The following SPATA18 variants were observed in gnomAD, a reference collection of about 807,000 sequenced individuals.
SPATA18 encodes mitochondria-eating protein.
In SPATA18, 54 loss-of-function variants were observed where a neutral mutation model predicts 68.1. That is an observed-to-expected ratio of 0.79 (90% CI 0.64 to 0.99). SPATA18 has a LOEUF of 0.99. Ranked by LOEUF, SPATA18 falls within the 50% of genes least tolerant of loss-of-function variation. The probability of loss-of-function intolerance (pLI) is 0.00; values close to 1 mark genes in which losing one functional copy is unlikely to be tolerated. For synonymous variants in SPATA18, 242 were observed against 244.8 expected (o/e 0.99, Z 0.11); for missense variants, 724 against 681.1 (o/e 1.06, Z -0.70).
At chr4:52,077,703 TAAAC>T (rs959642897) in intron 7 of SPATA18, among the ~76,000 whole-genome samples, 1 of 152,178 alleles carries the variant, frequency 6.6e-6, no homozygotes, top group African/African-American at 2.4e-5. Flanking sequence ...CTTTAGTTCT[TAAAC>T]AAATGAGAAG....
intron 11 of SPATA18, among the ~76,000 whole-genome samples, chr4:52,091,165 G>T (rs1741911447): frequency 6.6e-6 from 1 of 151,758 alleles, no homozygotes; most frequent in Non-Finnish European, 1.5e-5. Flanking sequence ...CTCTACATTG[G>T]TTATTCTAGT....
intron 6 of SPATA18, among the ~76,000 whole-genome samples, chr4:52,073,614 G>A (rs2109465784): frequency 6.6e-6 from 1 of 152,216 alleles, no homozygotes; most frequent in East Asian, 1.9e-4. Context: ...TCTAAAAAAA[G>A]TTAAAAAAAT....
chr4:52,062,823 T>G (rs954337370), intron 4 of SPATA18, among the ~76,000 whole-genome samples: 57 of 152,210 alleles, frequency 3.7e-4, no homozygotes, highest in African/African-American at 1.4e-3. Context: ...TGTGTGCTTC[T>G]CTGAATCTGA....
chr4:52,077,169 C>A, intron 7 of SPATA18, 129 bp downstream of exon 7: 1 of 963,750 alleles, frequency 1.0e-6, no homozygotes, highest in South Asian at 1.8e-5. Flanking sequence ...TCCAGTCTCC[C>A]CATCTGTCTC....
intron 11 of SPATA18, among the ~76,000 whole-genome samples, chr4:52,091,699 G>A (rs758070731): frequency 1.8e-4 from 27 of 152,320 alleles, no homozygotes; most frequent in Middle Eastern, 3.4e-3. Flanking sequence ...CCTGTATGAG[G>A]TGTCTGTTGG....
chr4:52,072,379 C>T (rs1013405818), intron 6 of SPATA18, among the ~76,000 whole-genome samples: 1 of 151,952 alleles, frequency 6.6e-6, no homozygotes, highest in Non-Finnish European at 1.5e-5. Context: ...TAACTTTGGG[C>T]TGAGAGATAT....
chr4:52,062,435 T>C (rs888679528), intron 4 of SPATA18, 103 bp downstream of exon 4: 18 of 757,426 alleles, frequency 2.4e-5, no homozygotes, highest in Admixed American at 1.6e-4. Flanking sequence ...ATGTGGGCAT[T>C]TGCAAATAAG....
In SPATA18 at chr4:52,094,560, T is replaced by A; in HGVS notation, c.1597T>A (p.Cys533Ser). ...AAGTCGGAGTCCTTCTCCAATAAGA[T>A]GTGGATTGCCAAGTAAGTGGGATTA... is the stretch of plus-strand genomic sequence containing the variant. ...SRSRSPSPIR[C>S]GLPRF Residue 533 changes from cysteine (C) to serine (S), a missense_variant, in exon 12 of 13, where the codon TGT (cysteine) becomes AGT (serine). Physicochemically the swap from Cys to Ser is moderately radical, Grantham distance 112. Transcript: ENST00000295213. 2 of 1,613,756 alleles carry A rather than the reference T, an allele frequency of 1.2e-6. No homozygotes were observed. The highest frequency in any genetic ancestry group is 1.7e-6 in the Non-Finnish European group (2 of 1,179,836).
chr4:52,064,252 C>G (rs781014267), intron 4 of SPATA18, among the ~76,000 whole-genome samples: 2 of 151,300 alleles, frequency 1.3e-5, no homozygotes, highest in African/African-American at 4.9e-5. Context: ...ATGCTTGCTG[C>G]TTTTCCCTGG....
chr4:52,065,027 A>G (rs553463235), intron 4 of SPATA18, among the ~76,000 whole-genome samples: 10 of 152,264 alleles, frequency 6.6e-5, no homozygotes, highest in Admixed American at 6.5e-4. Context: ...ATAATTAGTG[A>G]TGCTGAGCAT....
At chr4:52,092,884 C>G (rs1269518283) in intron 11 of SPATA18, among the ~76,000 whole-genome samples, 1 of 152,144 alleles carries the variant, frequency 6.6e-6, no homozygotes, top group African/African-American at 2.4e-5. Context: ...CTTTAGCAAA[C>G]TAACACAGGA....
At chr4:52,062,944 A>G (rs1415222406) in intron 4 of SPATA18, among the ~76,000 whole-genome samples, 1 of 152,202 alleles carries the variant, frequency 6.6e-6, no homozygotes, top group African/African-American at 2.4e-5. Context: ...CACATATCAG[A>G]TGCATGTTGT....
At chr4:52,076,710 C>T in intron 6 of SPATA18, 69 bp from the exon 7 acceptor site, 1 of 1,585,188 alleles carries the variant, frequency 6.3e-7, no homozygotes, top group South Asian at 1.2e-5. Flanking sequence ...CATTGGCCAC[C>T]AGATGATCTT....
intron 6 of SPATA18, among the ~76,000 whole-genome samples, chr4:52,073,876 T>A (rs1177518803): frequency 6.6e-6 from 1 of 152,222 alleles, no homozygotes; most frequent in African/African-American, 2.4e-5. Context: ...TCAACAGGTT[T>A]TACTGATGAC....
At chr4:52,051,867 G>A (rs541817245) in intron 1 of SPATA18, 76 bp downstream of exon 1, 3 of 1,394,162 alleles carry the variant, frequency 2.2e-6, no homozygotes, top group South Asian at 2.3e-5. Context: ...GATTTCTTAG[G>A]GCTGGAGTTG....
chr4:52,061,072 A>G (rs1738809114), intron 3 of SPATA18, among the ~76,000 whole-genome samples, 175 bp downstream of exon 3: 1 of 152,228 alleles, frequency 6.6e-6, no homozygotes, highest in Non-Finnish European at 1.5e-5. Flanking sequence ...TAGAGATCAG[A>G]CTAGAAAGAG....
Position 52,072,099 on chromosome 4 carries a change from G to A in SPATA18, c.701G>A (p.Arg234Gln), listed in dbSNP as rs139201868. 3.5e-3 allele frequency: 5,706 copies of A among 1,614,012 alleles called. 17 individuals are homozygous for A. Among genetic ancestry groups the A allele is most frequent in the Non-Finnish European group, 4.4e-3 (5,218 of 1,180,012 alleles). The change falls in exon 6 of 13, where the codon CGA becomes CAA. Residue 234 changes from arginine (R) to glutamine (Q), a missense_variant. By Grantham distance (43) the Arg-to-Gln change is conservative. Transcript: ENST00000295213. ...EAMSDYKKQL[R>Q]NLKEEIAVLS... ...ATGTCCGATTATAAGAAACAGCTCC[G>A]AAACCTGAAGGAGGAGATAGCTGTT...
At chr4:52,094,598 C>A in intron 12 of SPATA18, 26 bp downstream of exon 12, 3 of 1,611,282 alleles carry the variant, frequency 1.9e-6, no homozygotes, top group Non-Finnish European at 2.5e-6. Flanking sequence ...TCAGATGGAT[C>A]AAATTTTCTG....
At chr4:52,055,183 G>A (rs947363545) in intron 1 of SPATA18, among the ~76,000 whole-genome samples, 9 of 152,130 alleles carry the variant, frequency 5.9e-5, no homozygotes, top group African/African-American at 2.2e-4. Context: ...TTGTATTCCT[G>A]AATATTTTAT....
Sources: allele counts gnomAD v4.1 joint callset (sites outside exome capture counted in the v4.1 genomes callset), GRCh38; gene constraint gnomAD v4.1.1; transcripts MANE v1.5; gene names NCBI Gene and HGNC (gene_info 2026-07-23, HGNC 2026-07-21).